The following PIEZO1 variants were observed in gnomAD, a reference collection of about 807,000 sequenced individuals.
PIEZO1 encodes piezo-type mechanosensitive ion channel component 1.
A neutral mutation model predicts 297.2 loss-of-function variants in PIEZO1; 296 were observed. That is an observed-to-expected ratio of 1.00 (90% CI 0.91 to 1.10). The LOEUF is 1.10. PIEZO1 is among the 50% of genes least tolerant of loss of function. The pLI is 0.00. For synonymous variants in PIEZO1, 2,427 were observed against 1,507.5 expected, an observed-to-expected ratio of 1.61 and a Z score of -14.13; for missense variants, 5,018 against 3,455.5, an observed-to-expected ratio of 1.45 and a Z score of -11.34.
intron 29 of PIEZO1, 56 bp from the exon 30 acceptor site, chr16:88,725,136 G>A (rs960634614): frequency 2.4e-6 from 3 of 1,228,530 alleles, no homozygotes; most frequent in Admixed American, 5.7e-5. Flanking sequence ...GAGGGGTCGG[G>A]GCTGTGAGTG....
At chr16:88,740,270 C>T (rs969829832) in intron 5 of PIEZO1, 7 of 152,306 alleles carry the variant, frequency 4.6e-5, no homozygotes, top group African/African-American at 1.7e-4. Context: ...CTGCAGGTGC[C>T]TGGTGCCCCC....
intron 22 of PIEZO1, among the ~76,000 whole-genome samples, chr16:88,731,024 C>G (rs953890899): frequency 3.3e-5 from 5 of 152,252 alleles, no homozygotes; most frequent in Admixed American, 1.3e-4. Flanking sequence ...TGTGACTCCC[C>G]ATCTCAGACC....
At chr16:88,735,283 G>GGCCC in intron 12 of PIEZO1, 37 bp from the exon 13 acceptor site, 2 of 1,427,900 alleles carry the variant, frequency 1.4e-6, no homozygotes, top group Non-Finnish European at 1.9e-6. Flanking sequence ...CAGCCGGGGG[G>GGCCC]CCCAGCACCC....
rs1260689101 is a variant in PIEZO1, at chr16:88,719,646, CAG to C, written c.6397_6398del (p.Leu2133ValfsTer87). The C allele has an allele frequency of 1.3e-6, 2 of 1,554,100 alleles. No individual in the cohort carries two copies. The highest frequency in any genetic ancestry group is 1.2e-5 in the South Asian group (1 of 84,230). On this transcript the variant is annotated frameshift_variant, in exon 44 of 51. Transcript: ENST00000301015. LOFTEE classifies it high-confidence loss of function. ...TGTCCTCCACACACATCCAGCTGGA[CAG>C]GGACAGCGTGGTGTCCGTCCACACC... ...DWVWTDTTLS[L>X]SSWMCVEDIY... is the part of the protein sequence containing the mutation.
intron 7 of PIEZO1, 47 bp downstream of exon 7, chr16:88,738,180 G>C: frequency 6.5e-7 from 1 of 1,533,766 alleles, no homozygotes; most frequent in Non-Finnish European, 8.7e-7. Context: ...AGCCAGGTGG[G>C]CGGGACCAGG....
In PIEZO1 at chr16:88,722,639, G is replaced by A. The variant is rs552592333; in HGVS notation, c.4719C>T (p.Ala1573=). The part of the protein sequence containing the change: ...GVLDQLYTSQ[A]EATLPGPTEA... ...CGGTGGGGCCTGGCAGCGTGGCCTC[G>A]GCCTGGCTTGTGTACAGCTGATCCA... Residue 1573 remains alanine (A), a synonymous_variant, in exon 35 of 51, where the codon GCC becomes GCT. Coordinates refer to ENST00000301015, the MANE Select transcript of PIEZO1 (RefSeq NM_001142864.4). 49 of 1,538,452 alleles carry A rather than the reference G, an allele frequency of 3.2e-5. No homozygotes were observed. Among genetic ancestry groups the A allele is most frequent in the African/African-American group, 1.6e-4 (12 of 73,118 alleles).
chr16:88,721,046 C>T, intron 39 of PIEZO1, 120 bp downstream of exon 39: 1 of 1,078,074 alleles, frequency 9.3e-7, no homozygotes, highest in African/African-American at 1.6e-5. Flanking sequence ...GTGGCACCTT[C>T]CTGGGATCCA....
At chr16:88,730,905 G>C (rs1310402203) in intron 22 of PIEZO1, among the ~76,000 whole-genome samples, 1 of 152,242 alleles carries the variant, frequency 6.6e-6, no homozygotes. Flanking sequence ...CAGAGAGAAA[G>C]TCTGTTTCGT....
At chr16:88,755,053 G>A (rs1049570111) in intron 1 of PIEZO1, among the ~76,000 whole-genome samples, 5 of 152,170 alleles carry the variant, frequency 3.3e-5, no homozygotes, top group Admixed American at 6.5e-5. Flanking sequence ...TCAGGTCACC[G>A]CCGCGGCCAT....
At chr16:88,717,294 G>A (rs1450017029) in intron 44 of PIEZO1, 83 bp from the exon 45 acceptor site, 5 of 1,255,846 alleles carry the variant, frequency 4.0e-6, no homozygotes, top group Non-Finnish European at 5.6e-6. Flanking sequence ...TCACCCAGCA[G>A]CCCAGAAAAG....
chr16:88,749,007 G>A (rs888842920), intron 2 of PIEZO1, among the ~76,000 whole-genome samples: 23 of 151,096 alleles, frequency 1.5e-4, no homozygotes, highest in African/African-American at 4.6e-4. Flanking sequence ...GGAGGCCGAG[G>A]CGGGCGGATC....
rs529287690 is a variant in PIEZO1 at position 88,737,869 on chromosome 16, G to A, written c.1021-55C>T. 15 of 1,533,182 alleles carry A rather than the reference G, an allele frequency of 9.8e-6. No homozygotes were observed. The African/African-American group carries it at 1.4e-4, about 14-fold the overall frequency. 95.0% of individuals were successfully genotyped at this position (1,533,182 alleles called of 1,614,324 possible). On this transcript the variant is annotated intron_variant, in intron 8 of 50. Coordinates refer to ENST00000301015, the MANE Select transcript of PIEZO1 (RefSeq NM_001142864.4). ...CAGCTCCACACCCCACCCAGAGGCA[G>A]GAGGTCCTGAGACCAGCCCCATGGC...
intron 44 of PIEZO1, 24 bp from the exon 45 acceptor site, chr16:88,717,235 T>TG (rs1239651498): frequency 7.1e-6 from 11 of 1,539,660 alleles, no homozygotes; most frequent in Non-Finnish European, 9.6e-6. Flanking sequence ...ACACAGGTCA[T>TG]ACGCTCAGCT....
Position 88,720,139 on chromosome 16 carries a change from C to A in PIEZO1, c.6094G>T (p.Ala2032Ser). The A allele has an allele frequency of 6.4e-7, 1 of 1,550,456 alleles. No homozygotes were observed. The highest frequency in any genetic ancestry group is 8.7e-7 in the Non-Finnish European group (1 of 1,146,988). ...GCCAGCACCAGCGCCACCTGGAAGG[C>A]CAGCTTGCCCAGCACGGTCTTGCGC... Reference protein sequence around the residue: ...YLRKTVLGKLAFQVALVLAIH... With the variant: ...YLRKTVLGKLSFQVALVLAIH... Residue 2032 changes from alanine to serine, a missense_variant, in exon 42 of 51, where the codon GCC (alanine) becomes TCC (serine). By Grantham distance (99) the Ala-to-Ser change is moderately conservative. Transcript: ENST00000301015.
At chr16:88,736,081 G>A in intron 12 of PIEZO1, 67 bp downstream of exon 12, 6 of 1,443,012 alleles carry the variant, frequency 4.2e-6, no homozygotes, top group Non-Finnish European at 5.6e-6. Flanking sequence ...AGTGGACATT[G>A]AACAGGACGA....
At chr16:88,768,830 G>A (rs774959588) in intron 1 of PIEZO1, among the ~76,000 whole-genome samples, 3 of 152,234 alleles carry the variant, frequency 2.0e-5, no homozygotes, top group Non-Finnish European at 2.9e-5. Context: ...GCGACACCGC[G>A]AGCTGCAGGG....
At chr16:88,716,514 T>G (rs1277691756) in intron 47 of PIEZO1, 31 bp from the exon 48 acceptor site, 1 of 1,538,324 alleles carries the variant, frequency 6.5e-7, no homozygotes, top group South Asian at 1.2e-5. Flanking sequence ...TGACCCACTG[T>G]AGTGGGTCCA....
At chr16:88,731,952 T>TA in intron 21 of PIEZO1, 42 bp from the exon 22 acceptor site, 1 of 307,510 alleles carries the variant, frequency 3.3e-6, no homozygotes. Flanking sequence ...GCACTGAGTC[T>TA]GGGGGGAGGG....
At position 88,749,539 on chromosome 16, in the gene PIEZO1, G is replaced by C. The variant is rs562747959; in HGVS notation, c.65-60C>G. On this transcript the variant is annotated intron_variant, in intron 1 of 50. Coordinates refer to ENST00000301015, the MANE Select transcript of PIEZO1 (RefSeq NM_001142864.4). Reference sequence around the variant, plus strand: ...AGAGGATGGCCAGCCCCACCCCAGAGGACAGCGCACCCACGGCCCAGCTCG... The same window carrying C: ...AGAGGATGGCCAGCCCCACCCCAGACGACAGCGCACCCACGGCCCAGCTCG... 14 of 1,272,658 alleles carry C rather than the reference G, an allele frequency of 1.1e-5. No homozygotes were observed. The South Asian group carries it at 1.7e-4, about 16-fold the overall frequency. The allele number at this position is 1,272,658 out of a possible 1,614,324, so 78.8% of individuals were successfully genotyped here.
Sources: gnomAD v4.1 joint callset for allele counts (sites outside exome capture counted in the v4.1 genomes callset) on GRCh38, gnomAD v4.1.1 for gene constraint, MANE v1.5 for transcripts, NCBI Gene and HGNC (gene_info 2026-07-23, HGNC 2026-07-21) for gene names.